Variants in SLC13A3 observed in about 807,000 individuals in gnomAD.
SLC13A3 encodes the protein solute carrier family 13 member 3, also known as Na(+)/dicarboxylate cotransporter 3.
SLC13A3 carries 40 observed loss-of-function variants against 59.0 expected under a neutral mutation model. The ratio of observed to expected loss-of-function variants is 0.68; its 90% CI spans 0.53 to 0.88. The LOEUF (loss-of-function observed/expected upper bound fraction) is 0.88, where lower values mean the gene tolerates loss of function less well. Among genes scored for constraint, SLC13A3 ranks in the 40% least tolerant of loss-of-function variants. SLC13A3 has a pLI of 0.00. For missense variants in SLC13A3, 699 were observed against 783.2 expected (o/e 0.89, Z 1.28); for synonymous variants, 317 against 330.3 (o/e 0.96, Z 0.44).
intron 3 of SLC13A3, among the ~76,000 whole-genome samples, chr20:46,604,117 C>T (rs1359610543): frequency 6.6e-6 from 1 of 152,106 alleles, no homozygotes; most frequent in African/African-American, 2.4e-5. Context: ...CACTCAGAGC[C>T]TGGTCACTTC....
intron 8 of SLC13A3, chr20:46,585,817 T>A (rs2062185492): frequency 8.0e-7 from 1 of 1,257,052 alleles, no homozygotes; most frequent in African/African-American, 1.6e-5. Flanking sequence ...CATGGCTTCA[T>A]GAAATTATAT....
At chr20:46,627,363 A>T (rs978311675) in intron 1 of SLC13A3, among the ~76,000 whole-genome samples, 1 of 152,162 alleles carries the variant, frequency 6.6e-6, no homozygotes, top group African/African-American at 2.4e-5. Flanking sequence ...CCCAAGCTTA[A>T]CAGTAACTTA....
chr20:46,674,164 G>A (rs1398049310), upstream of SLC13A3, among the ~76,000 whole-genome samples: 2 of 151,870 alleles, frequency 1.3e-5, no homozygotes, highest in African/African-American at 2.4e-5. Context: ...CTCCACCTCC[G>A]CACCCTGACC....
At chr20:46,597,193 T>A (rs186199964) in intron 4 of SLC13A3, among the ~76,000 whole-genome samples, 6 of 152,318 alleles carry the variant, frequency 3.9e-5, no homozygotes, top group Admixed American at 2.6e-4. Context: ...TTTCCTTTTT[T>A]ATTTTCTGGG....
chr20:46,565,705 G>A (rs996229811), intron 11 of SLC13A3, among the ~76,000 whole-genome samples: 1 of 152,178 alleles, frequency 6.6e-6, no homozygotes, highest in Non-Finnish European at 1.5e-5. Flanking sequence ...ATTTGGGAAT[G>A]CTAGGAGACA....
intron 1 of SLC13A3, among the ~76,000 whole-genome samples, chr20:46,633,273 C>A (rs1377425044): frequency 1.3e-5 from 2 of 152,084 alleles, no homozygotes; most frequent in Non-Finnish European, 2.9e-5. Flanking sequence ...TCTGCCAAGG[C>A]CAAGAAGCAC....
chr20:46,601,797 G>A (rs1205344467), intron 3 of SLC13A3, among the ~76,000 whole-genome samples: 1 of 152,214 alleles, frequency 6.6e-6, no homozygotes, highest in Non-Finnish European at 1.5e-5. Context: ...AGGCCCTGGG[G>A]TGGGAGCACA....
intron 1 of SLC13A3, among the ~76,000 whole-genome samples, chr20:46,618,820 C>T (rs964250225): frequency 6.6e-6 from 1 of 152,204 alleles, no homozygotes; most frequent in Admixed American, 6.5e-5. Flanking sequence ...CCCATCATTC[C>T]TGTTCACACC....
chr20:46,562,385 T>G (rs1352803392), intron 12 of SLC13A3, among the ~76,000 whole-genome samples: 1 of 152,102 alleles, frequency 6.6e-6, no homozygotes, highest in Non-Finnish European at 1.5e-5. Context: ...CCTTTGTACC[T>G]GCTGTGCCCT....
chr20:46,611,760 T>C, intron 2 of SLC13A3, among the ~76,000 whole-genome samples: 1 of 152,308 alleles, frequency 6.6e-6, no homozygotes, highest in South Asian at 2.1e-4. Flanking sequence ...CGTACCCTCC[T>C]GTCTGACCTC....
intron 8 of SLC13A3, chr20:46,585,477 CTTT>C (rs2062181517): frequency 1.0e-6 from 1 of 995,342 alleles, no homozygotes; most frequent in African/African-American, 1.7e-5. Flanking sequence ...AAAAAATCTT[CTTT>C]TAATAGGGTT....
chr20:46,588,189 T>C, intron 7 of SLC13A3, 26 bp from the exon 8 acceptor site: 1 of 1,481,086 alleles, frequency 6.8e-7, no homozygotes, highest in Non-Finnish European at 9.4e-7. Flanking sequence ...GCAGGCATGA[T>C]GGTGACCCCG....
chr20:46,651,096 C>A (rs2062947500), intron 1 of SLC13A3, among the ~76,000 whole-genome samples: 1 of 152,262 alleles, frequency 6.6e-6, no homozygotes, highest in South Asian at 2.1e-4. Context: ...ATCCAGAAGG[C>A]AGGGTGGGAC....
intron 9 of SLC13A3, among the ~76,000 whole-genome samples, chr20:46,579,028 A>G (rs998388135): frequency 2.0e-5 from 3 of 152,212 alleles, no homozygotes; most frequent in Non-Finnish European, 4.4e-5. Flanking sequence ...CAGACCCACA[A>G]AAGAATAGTG....
intron 3 of SLC13A3, chr20:46,609,052 C>G: frequency 1.3e-6 from 2 of 1,550,166 alleles, no homozygotes; most frequent in Non-Finnish European, 1.7e-6. Context: ...GTATTGGGTT[C>G]TATTCCTAAA....
intron 1 of SLC13A3, among the ~76,000 whole-genome samples, chr20:46,628,359 G>A (rs1248672013): frequency 6.6e-6 from 1 of 152,200 alleles, no homozygotes; most frequent in Non-Finnish European, 1.5e-5. Flanking sequence ...CAGGGAAGAA[G>A]GAGTAGCAGC....
chr20:46,625,633 T>C (rs2062660919), intron 1 of SLC13A3, among the ~76,000 whole-genome samples: 1 of 152,198 alleles, frequency 6.6e-6, no homozygotes, highest in South Asian at 2.1e-4. Flanking sequence ...TCCCACATCC[T>C]CTCCAAAACA....
intron 10 of SLC13A3, among the ~76,000 whole-genome samples, chr20:46,568,112 G>A (rs910918137): frequency 6.6e-6 from 1 of 152,034 alleles, no homozygotes; most frequent in East Asian, 1.9e-4. Context: ...ACAGCATACA[G>A]GGCCAGGCAT....
At chr20:46,638,354 C>T (rs2062814443) in intron 1 of SLC13A3, among the ~76,000 whole-genome samples, 1 of 152,202 alleles carries the variant, frequency 6.6e-6, no homozygotes, top group South Asian at 2.1e-4. Context: ...CCCTAGGCCC[C>T]CAGAGCCAGC....
Sources: allele counts gnomAD v4.1 joint callset (sites outside exome capture counted in the v4.1 genomes callset), GRCh38; gene constraint gnomAD v4.1.1; transcripts MANE v1.5; gene names NCBI Gene and HGNC (gene_info 2026-07-23, HGNC 2026-07-21).